The following GPHN variants were observed in gnomAD, a reference collection of about 807,000 sequenced individuals.
GPHN encodes gephyrin.
Under a neutral mutation model 95.5 loss-of-function variants are expected in GPHN, and 17 were observed. The observed-to-expected ratio is 0.18, with a 90% CI of 0.12 to 0.27. GPHN has a LOEUF of 0.27. Ranked by LOEUF, GPHN falls within the 10% of genes least tolerant of loss-of-function variation. The pLI, the probability that GPHN is intolerant of heterozygous loss-of-function variation, is 1.00. For missense variants in GPHN, 660 were observed against 978.1 expected (o/e 0.67, Z 4.34); for synonymous variants, 320 against 322.5 (o/e 0.99, Z 0.08).
chr14:67,146,407 A>G (rs2080899944), intron 18 of GPHN, among the ~76,000 whole-genome samples: 1 of 152,214 alleles, frequency 6.6e-6, no homozygotes, highest in African/African-American at 2.4e-5. Flanking sequence ...GCCTTTTGCC[A>G]TGAAAACTAA....
intron 2 of GPHN, among the ~76,000 whole-genome samples, chr14:66,687,558 G>A (rs936788363): frequency 1.4e-5 from 2 of 141,012 alleles, no homozygotes; most frequent in African/African-American, 2.7e-5. Flanking sequence ...GCACAATCTC[G>A]GCTCACCGCA....
intron 5 of GPHN, among the ~76,000 whole-genome samples, chr14:66,899,122 CT>C (rs149566081): frequency 0.3 from 39,417 of 130,706 alleles, 7,491 homozygotes; most frequent in African/African-American, 0.56. Context: ...AGGGCTTTTT[CT>C]TTTTTTTTTT....
intron 9 of GPHN, among the ~76,000 whole-genome samples, chr14:67,022,286 C>T (rs1366042525): frequency 6.6e-6 from 1 of 151,960 alleles, no homozygotes; most frequent in Non-Finnish European, 1.5e-5. Flanking sequence ...ACTTTATTTT[C>T]CATTGTTTAG....
At position 66,670,794 on chromosome 14, in the gene GPHN, AAAAT is replaced by A. The variant is rs977330896; in HGVS notation, c.65-10297_65-10294del. Among the ~76,000 whole-genome samples the A allele has an allele frequency of 5.8e-4, 89 of 152,340 alleles. No homozygotes were observed. In the Middle Eastern group the frequency reaches 0.014, roughly 23 times the overall value. ...GCGACAGAGCAACACTCCATCTCAA[AAAAT>A]AAATAAATAAATAAAAAGAGGCCAT... is the stretch of plus-strand genomic sequence containing the variant. On this transcript the variant is annotated intron_variant, in intron 1 of 22. Coordinates refer to ENST00000478722, the MANE Select transcript of GPHN (RefSeq NM_020806.5).
the GPHN span, chr14:67,225,078 C>T: frequency 1.3e-6 from 2 of 1,524,954 alleles, no homozygotes; most frequent in Non-Finnish European, 1.8e-6. Flanking sequence ...CTATTGATCT[C>T]TCCTTTACTT....
the GPHN span, chr14:67,360,851 T>C: frequency 3.9e-5 from 6 of 152,190 alleles, no homozygotes; most frequent in African/African-American, 1.4e-4. Context: ...TTCCATCTTT[T>C]CTTCCGCCCC....
chr14:66,839,976 T>G (rs2062009141), intron 4 of GPHN, among the ~76,000 whole-genome samples: 1 of 152,108 alleles, frequency 6.6e-6, no homozygotes, highest in African/African-American at 2.4e-5. Flanking sequence ...GAGAGGTTAC[T>G]TGTATATAAT....
At chr14:66,579,599 G>C (rs77104625) in intron 1 of GPHN, among the ~76,000 whole-genome samples, 8,783 of 151,712 alleles carry the variant, frequency 0.058, 354 homozygotes, top group Middle Eastern at 0.099. Flanking sequence ...ATTGTGAGAA[G>C]AGGCACAGAA....
intron 9 of GPHN, among the ~76,000 whole-genome samples, chr14:66,977,865 T>A (rs557157123): frequency 6.6e-6 from 1 of 152,320 alleles, no homozygotes; most frequent in East Asian, 1.9e-4. Flanking sequence ...TTTTTCAGAT[T>A]TGTAGCCAAA....
At chr14:66,533,126 C>T (rs1360397844) in intron 1 of GPHN, among the ~76,000 whole-genome samples, 1 of 152,116 alleles carries the variant, frequency 6.6e-6, no homozygotes, top group Admixed American at 6.5e-5. Flanking sequence ...ATGTTTTTTT[C>T]CCCATTACAG....
chr14:66,904,644 C>T (rs762466004), intron 5 of GPHN, among the ~76,000 whole-genome samples: 4 of 152,150 alleles, frequency 2.6e-5, no homozygotes, highest in Non-Finnish European at 5.9e-5. Flanking sequence ...GACACCCCAA[C>T]TGCTGTTGGG....
the GPHN span, among the ~76,000 whole-genome samples, chr14:67,520,032 T>C: frequency 6.6e-6 from 1 of 152,138 alleles, no homozygotes; most frequent in South Asian, 2.1e-4. Flanking sequence ...CTAGACTTTA[T>C]TTTTTACAGT....
the GPHN span, chr14:67,569,637 G>T: frequency 2.0e-6 from 1 of 495,126 alleles, no homozygotes; most frequent in Non-Finnish European, 3.7e-6. Flanking sequence ...CGTATGATTT[G>T]TAACTCACAT....
chr14:67,611,741 C>G, the GPHN span, among the ~76,000 whole-genome samples: 2 of 152,196 alleles, frequency 1.3e-5, no homozygotes, highest in African/African-American at 4.8e-5. Context: ...GCAGCAGGAA[C>G]CAGTTTCATG....
At chr14:67,506,915 C>T in the GPHN span, among the ~76,000 whole-genome samples, 97,053 of 151,884 alleles carry the variant, frequency 0.64, 33,066 homozygotes, top group Non-Finnish European at 0.77. Context: ...ACACAGGAGG[C>T]AAAGGTTGCA....
chr14:66,798,735 C>T (rs544732636), intron 3 of GPHN, among the ~76,000 whole-genome samples: 1 of 151,226 alleles, frequency 6.6e-6, no homozygotes, highest in South Asian at 2.1e-4. Flanking sequence ...AATGGTTTGT[C>T]AATATTGTTT....
the GPHN span, chr14:67,360,018 A>G: frequency 3.9e-4 from 205 of 527,734 alleles, no homozygotes; most frequent in Admixed American, 1.1e-3. Flanking sequence ...GGCACGCGCC[A>G]GGCCAAAGAC....
the GPHN span, chr14:67,592,559 C>T: frequency 1.1e-6 from 1 of 901,270 alleles, no homozygotes; most frequent in Non-Finnish European, 1.8e-6. Context: ...TTCCAATACT[C>T]TGACAAAAGG....
the GPHN span, chr14:67,653,471 T>G: frequency 6.2e-7 from 1 of 1,614,150 alleles, no homozygotes; most frequent in Non-Finnish European, 8.5e-7. Flanking sequence ...TTCCGACTTT[T>G]GCTCAAGTTT....
Sources: allele counts gnomAD v4.1 joint callset (sites outside exome capture counted in the v4.1 genomes callset), GRCh38; gene constraint gnomAD v4.1.1; transcripts MANE v1.5; gene names NCBI Gene and HGNC (gene_info 2026-07-23, HGNC 2026-07-21).